PCDHA5: variants seen among roughly 807,000 people sequenced by gnomAD.
PCDHA5 encodes protocadherin alpha-5.
A neutral mutation model predicts 61.6 loss-of-function variants in PCDHA5; 43 were observed. That is an observed-to-expected ratio of 0.70 (90% CI 0.55 to 0.90). The LOEUF (loss-of-function observed/expected upper bound fraction) is 0.90. PCDHA5 is among the 40% of genes least tolerant of loss of function. The pLI is 0.00. For missense variants in PCDHA5, 1,298 were observed against 1,222.7 expected (o/e 1.06, Z -0.92); for synonymous variants, 627 against 543.9 (o/e 1.15, Z -2.13).
At chr5:141,004,602 G>A (rs1345777080) in intron 3 of PCDHA5, among the ~76,000 whole-genome samples, 18 of 152,298 alleles carry the variant, frequency 1.2e-4, no homozygotes, top group African/African-American at 4.1e-4. Flanking sequence ...CAGTGCTTAG[G>A]CCTCATGCAG....
intron 1 of PCDHA5, among the ~76,000 whole-genome samples, chr5:140,944,308 C>T (rs1385219466): frequency 6.6e-6 from 1 of 152,138 alleles, no homozygotes; most frequent in Non-Finnish European, 1.5e-5. Context: ...CTACCTCAGC[C>T]TCCTGAGTAG....
intron 1 of PCDHA5, chr5:140,884,110 G>A: frequency 6.2e-7 from 1 of 1,613,438 alleles, no homozygotes; most frequent in Non-Finnish European, 8.5e-7. Flanking sequence ...TGCAGCTGGC[G>A]GCGGTCGGCG....
At chr5:140,935,310 C>T (rs569890065) in intron 1 of PCDHA5, among the ~76,000 whole-genome samples, 2 of 152,200 alleles carry the variant, frequency 1.3e-5, no homozygotes, top group Non-Finnish European at 2.9e-5. Flanking sequence ...TACTTAACTT[C>T]ATCAATCTTA....
intron 1 of PCDHA5, among the ~76,000 whole-genome samples, chr5:140,831,758 T>A (rs138346265): frequency 6.6e-6 from 1 of 152,244 alleles, no homozygotes; most frequent in Non-Finnish European, 1.5e-5. Flanking sequence ...CGCTACCAAT[T>A]TTGTTTTGTG....
chr5:140,843,056 A>G (rs2150351365), intron 1 of PCDHA5: 779,075 of 1,594,132 alleles, frequency 0.49, 229,035 homozygotes, highest in African/African-American at 0.71. Context: ...CGCAGCGAGC[A>G]AGCTGGTGCC....
rs1274715970 is a variant in PCDHA5, at chr5:140,849,195, G to A, written c.2352+25068G>A. ...CGTTCAATTACTCATCACGGTACTG[G>A]ACAACAATGACAATGCCCCAGTGTT... On this transcript the variant is annotated intron_variant, in intron 1 of 3. Coordinates refer to ENST00000529859, the MANE Select transcript of PCDHA5 (RefSeq NM_018908.3). The A allele has an allele frequency of 2.4e-5, 25 of 1,038,632 alleles. 3 individuals carry two copies. The highest frequency in any genetic ancestry group is 1.1e-4 in the Admixed American group (4 of 36,524). 64.3% of individuals were successfully genotyped at this position (1,038,632 alleles called of 1,614,324 possible).
At chr5:140,991,440 C>T (rs2097452926) in intron 3 of PCDHA5, among the ~76,000 whole-genome samples, 1 of 152,190 alleles carries the variant, frequency 6.6e-6, no homozygotes, top group Non-Finnish European at 1.5e-5. Context: ...AACTTCATGG[C>T]TTAAAACAAC....
At chr5:140,955,823 T>C (rs1189753862) in intron 1 of PCDHA5, among the ~76,000 whole-genome samples, 1 of 152,208 alleles carries the variant, frequency 6.6e-6, no homozygotes, top group African/African-American at 2.4e-5. Flanking sequence ...GTGATTTCCT[T>C]GAGCAGTGGT....
At chr5:140,902,102 G>A (rs1407664200) in intron 1 of PCDHA5, among the ~76,000 whole-genome samples, 1 of 151,098 alleles carries the variant, frequency 6.6e-6, no homozygotes, top group African/African-American at 2.4e-5. Context: ...GGAGTCTTTA[G>A]ATTTTTTTAA....
intron 1 of PCDHA5, chr5:140,842,322 G>T (rs1349163820): frequency 6.2e-7 from 1 of 1,607,612 alleles, no homozygotes. Flanking sequence ...GCGGGTCATT[G>T]CACCGTTTTA....
rs1417392698 is a variant in PCDHA5 at position 140,999,864 on chromosome 5, T to G, written c.2501-9763T>G. Among the ~76,000 whole-genome samples, 46 of 152,148 alleles carry G rather than the reference T, an allele frequency of 3.0e-4. 1 individual carries two copies. ...TGTATTTATCTCTTCCGCTCCAAGATTACTGAAAATTAGCCCAGCTGTAGC... is the reference window on the plus strand; with the variant it reads ...TGTATTTATCTCTTCCGCTCCAAGAGTACTGAAAATTAGCCCAGCTGTAGC... On this transcript the variant is annotated intron_variant, in intron 3 of 3. Coordinates refer to ENST00000529859, the MANE Select transcript of PCDHA5 (RefSeq NM_018908.3).
At chr5:140,958,921 G>A (rs269549) in intron 1 of PCDHA5, among the ~76,000 whole-genome samples, 34,177 of 150,822 alleles carry the variant, frequency 0.23, 4,980 homozygotes, top group African/African-American at 0.42. Context: ...GCCTGGGTGT[G>A]GTGGCTCATA....
intron 1 of PCDHA5, chr5:140,864,760 T>C (rs1282604676): frequency 6.6e-6 from 1 of 152,230 alleles, no homozygotes; most frequent in Non-Finnish European, 1.5e-5. Flanking sequence ...TCATTTTTCT[T>C]TCATTTTTGG....
chr5:140,951,840 C>T (rs555935634), intron 1 of PCDHA5, among the ~76,000 whole-genome samples: 2 of 152,190 alleles, frequency 1.3e-5, no homozygotes, highest in African/African-American at 4.8e-5. Flanking sequence ...AGCATTAAGC[C>T]AAAAGTCCAA....
intron 1 of PCDHA5, among the ~76,000 whole-genome samples, chr5:140,891,408 C>G (rs1341322877): frequency 2.0e-5 from 3 of 147,046 alleles, no homozygotes; most frequent in Admixed American, 6.8e-5. Flanking sequence ...TCGCCACCCC[C>G]CACTCTTGCC....
chr5:140,881,362 G>C, intron 1 of PCDHA5: 6 of 985,132 alleles, frequency 6.1e-6, no homozygotes, highest in Non-Finnish European at 7.2e-6. Context: ...CGTGGCTTTC[G>C]TATGAATTGC....
At chr5:140,880,877 A>G (rs1399131370) in intron 1 of PCDHA5, among the ~76,000 whole-genome samples, 8 of 152,232 alleles carry the variant, frequency 5.3e-5, no homozygotes, top group Non-Finnish European at 8.8e-5. Context: ...GAGGTAAATA[A>G]AGAAATGTAG....
At chr5:140,834,506 T>A in intron 1 of PCDHA5, 1 of 1,614,072 alleles carries the variant, frequency 6.2e-7, no homozygotes, top group Non-Finnish European at 8.5e-7. Flanking sequence ...AGGCTAAACA[T>A]GGCAACTTCG....
At chr5:140,919,976 G>A (rs552658832) in intron 1 of PCDHA5, among the ~76,000 whole-genome samples, 1 of 134,018 alleles carries the variant, frequency 7.5e-6, no homozygotes, top group Non-Finnish European at 1.7e-5. Context: ...ATAAGAGATA[G>A]AAGATGGAAA....
Sources: allele counts gnomAD v4.1 joint callset (sites outside exome capture counted in the v4.1 genomes callset), GRCh38; gene constraint gnomAD v4.1.1; transcripts MANE v1.5; gene names NCBI Gene and HGNC (gene_info 2026-07-23, HGNC 2026-07-21).